TPTE: variants seen among roughly 807,000 people sequenced by gnomAD.
TPTE encodes the protein putative tyrosine-protein phosphatase TPTE.
A neutral mutation model predicts 84.1 loss-of-function variants in TPTE; 59 were observed. The ratio of observed to expected loss-of-function variants is 0.70; its 90% CI spans 0.57 to 0.87. The LOEUF (loss-of-function observed/expected upper bound fraction) is 0.87. Ranked by LOEUF, TPTE falls within the 40% of genes least tolerant of loss-of-function variation. The pLI is 0.00. For synonymous variants in TPTE, 130 were observed against 223.5 expected, an observed-to-expected ratio of 0.58 and a Z score of 3.73; for missense variants, 382 against 659.6, an observed-to-expected ratio of 0.58 and a Z score of 4.61.
At chr21:10,571,795 C>A (rs1344521081) in intron 14 of TPTE, among the ~76,000 whole-genome samples, 20 of 152,394 alleles carry the variant, frequency 1.3e-4, no homozygotes, top group African/African-American at 4.6e-4. Context: ...TTACTTGAGG[C>A]CAGGAGTTCA....
chr21:10,589,335 G>T (rs1420426649), intron 17 of TPTE, among the ~76,000 whole-genome samples: 2 of 152,298 alleles, frequency 1.3e-5, no homozygotes, highest in Admixed American at 6.5e-5. Context: ...TGAGCCAGTA[G>T]ATGGCGCCAT....
intron 4 of TPTE, among the ~76,000 whole-genome samples, chr21:10,539,363 G>A (rs903358783): frequency 6.6e-5 from 10 of 152,358 alleles, no homozygotes; most frequent in East Asian, 3.8e-4. Flanking sequence ...GGATGCAGCC[G>A]TTCCTTAGGC....
chr21:10,581,553 C>G (rs1415334381), intron 17 of TPTE, among the ~76,000 whole-genome samples: 1 of 152,310 alleles, frequency 6.6e-6, no homozygotes, highest in Non-Finnish European at 1.5e-5. Flanking sequence ...TTGCTGTCTT[C>G]TGGTTGGTTG....
At chr21:10,527,155 T>TCACACACACACACACACA (rs1302903658) in intron 2 of TPTE, among the ~76,000 whole-genome samples, 200 bp from the exon 3 acceptor site, 1 of 144,550 alleles carries the variant, frequency 6.9e-6, no homozygotes, top group African/African-American at 2.5e-5. Context: ...TCTCTCTCTC[T>TCACACACACACACACACA]CTCACACACA....
At chr21:10,526,422 A>G (rs1272656308) in intron 2 of TPTE, among the ~76,000 whole-genome samples, 1 of 152,310 alleles carries the variant, frequency 6.6e-6, no homozygotes, top group Non-Finnish European at 1.5e-5. Flanking sequence ...AAAAGATACC[A>G]TTTAATATAT....
chr21:10,601,916 T>G, intron 21 of TPTE, 142 bp from the exon 22 acceptor site: 1 of 842,040 alleles, frequency 1.2e-6, no homozygotes. Flanking sequence ...AAGAGATTAT[T>G]AATAATTATT....
intron 13 of TPTE, 139 bp from the exon 14 acceptor site, chr21:10,570,346 T>A (rs1345194880): frequency 1.4e-6 from 2 of 1,437,732 alleles, no homozygotes; most frequent in African/African-American, 2.9e-5. Flanking sequence ...ATCCTGAGTA[T>A]TAGCTCTTTT....
At chr21:10,563,464 G>A (rs1047446722) in intron 10 of TPTE, among the ~76,000 whole-genome samples, 1 of 152,296 alleles carries the variant, frequency 6.6e-6, no homozygotes, top group African/African-American at 2.4e-5. Flanking sequence ...AGACATAGAT[G>A]GTATAATAAG....
intron 5 of TPTE, 81 bp downstream of exon 5, chr21:10,541,246 C>G (rs2074364557): frequency 6.3e-7 from 1 of 1,586,728 alleles, no homozygotes; most frequent in Admixed American, 1.7e-5. Context: ...CTGAAGCAGG[C>G]CGATACCCTG....
chr21:10,583,441 T>A (rs2075304455), intron 17 of TPTE, among the ~76,000 whole-genome samples: 1 of 152,310 alleles, frequency 6.6e-6, no homozygotes, highest in Non-Finnish European at 1.5e-5. Flanking sequence ...TCTTTTTTTC[T>A]CCCGATTGTA....
chr21:10,564,629 A>G (rs1353251070), intron 10 of TPTE, among the ~76,000 whole-genome samples: 6 of 152,312 alleles, frequency 3.9e-5, no homozygotes, highest in Non-Finnish European at 8.8e-5. Context: ...TGAATTCAAC[A>G]ATATATGGGA....
At chr21:10,557,405 G>C (rs1180543306) in intron 8 of TPTE, among the ~76,000 whole-genome samples, 3 of 152,418 alleles carry the variant, frequency 2.0e-5, no homozygotes, top group Admixed American at 2.0e-4. Flanking sequence ...ACAGATTAAG[G>C]GGCTAAAGCC....
chr21:10,533,432 G>A (rs1470955888), intron 3 of TPTE, among the ~76,000 whole-genome samples: 1 of 152,306 alleles, frequency 6.6e-6, no homozygotes, highest in East Asian at 1.9e-4. Flanking sequence ...TCGGTATGTT[G>A]TTGTTCAGCT....
At chr21:10,592,135 A>G (rs1295423104) in intron 18 of TPTE, among the ~76,000 whole-genome samples, 158 bp from the exon 19 acceptor site, 1 of 152,310 alleles carries the variant, frequency 6.6e-6, no homozygotes, top group African/African-American at 2.4e-5. Flanking sequence ...ACTGTACTCC[A>G]GTCTGGGTTA....
At chr21:10,538,283 T>A (rs1234796481) in intron 3 of TPTE, among the ~76,000 whole-genome samples, 3 of 152,308 alleles carry the variant, frequency 2.0e-5, no homozygotes, top group African/African-American at 7.2e-5. Flanking sequence ...TACTTTACCG[T>A]ACTTGTGGAC....
intron 3 of TPTE, among the ~76,000 whole-genome samples, chr21:10,528,111 C>T (rs1336544907): frequency 3.3e-5 from 5 of 152,268 alleles, no homozygotes; most frequent in Admixed American, 6.5e-5. Flanking sequence ...AGAGAAAAAT[C>T]AAGTACCAGG....
intron 21 of TPTE, among the ~76,000 whole-genome samples, chr21:10,599,024 C>T (rs2075641515): frequency 6.6e-6 from 1 of 152,308 alleles, no homozygotes; most frequent in African/African-American, 2.4e-5. Flanking sequence ...TCATAACAGC[C>T]AATTATGAGC....
intron 20 of TPTE, among the ~76,000 whole-genome samples, chr21:10,596,413 G>T (rs1364736849): frequency 6.6e-6 from 1 of 152,310 alleles, no homozygotes; most frequent in African/African-American, 2.4e-5. Context: ...GAGGGAGGAG[G>T]AGGACCCATG....
chr21:10,545,692 GAT>G (rs2074453174), intron 7 of TPTE, among the ~76,000 whole-genome samples: 1 of 152,080 alleles, frequency 6.6e-6, no homozygotes. Flanking sequence ...TATATATACA[GAT>G]ATATCTTTTA....
Sources: allele counts gnomAD v4.1 joint callset (sites outside exome capture counted in the v4.1 genomes callset), GRCh38; gene constraint gnomAD v4.1.1; transcripts MANE v1.5; gene names NCBI Gene and HGNC (gene_info 2026-07-23, HGNC 2026-07-21).